Variants in KCNN2 observed in about 807,000 individuals in gnomAD.
The protein encoded by KCNN2 is small conductance calcium-activated potassium channel protein 2.
In KCNN2, 24 loss-of-function variants were observed where a neutral mutation model predicts 55.5. The ratio of observed to expected loss-of-function variants is 0.43; its 90% CI spans 0.31 to 0.61. KCNN2 has a LOEUF of 0.61. Among genes scored for constraint, KCNN2 ranks in the 20% least tolerant of loss-of-function variants. The pLI, the probability that KCNN2 is intolerant of heterozygous loss-of-function variation, is 0.08. For missense variants in KCNN2, 754 were observed against 853.6 expected (o/e 0.88, Z 1.45); for synonymous variants, 431 against 336.1 (o/e 1.28, Z -3.09).
At chr5:114,190,434 A>T (rs993724270) in intron 1 of KCNN2, among the ~76,000 whole-genome samples, 2 of 152,196 alleles carry the variant, frequency 1.3e-5, no homozygotes, top group Non-Finnish European at 2.9e-5. Flanking sequence ...TATAGCCCCC[A>T]AAATAATGAG....
chr5:114,058,558 A>G (rs1580472427), intron 1 of KCNN2, among the ~76,000 whole-genome samples: 1 of 152,220 alleles, frequency 6.6e-6, no homozygotes, highest in Non-Finnish European at 1.5e-5. Context: ...ACTCAGTTCT[A>G]TGTACTGTGG....
chr5:114,356,893 G>A (rs1757303009), intron 2 of KCNN2, among the ~76,000 whole-genome samples: 2 of 151,978 alleles, frequency 1.3e-5, no homozygotes, highest in Admixed American at 1.3e-4. Context: ...AATTATTACT[G>A]TGCTAAGGAA....
chr5:114,247,202 CA>C (rs370172975), intron 2 of KCNN2, among the ~76,000 whole-genome samples: 2,994 of 68,120 alleles, frequency 0.044, 86 homozygotes, highest in African/African-American at 0.16. Context: ...CATATGTCTC[CA>C]AAAAAAAAAA....
chr5:114,177,891 A>C (rs1387990672), intron 1 of KCNN2, among the ~76,000 whole-genome samples: 1 of 152,194 alleles, frequency 6.6e-6, no homozygotes, highest in African/African-American at 2.4e-5. Flanking sequence ...TAAATCAAAT[A>C]AAAATAAAAA....
chr5:114,367,630 GA>G (rs1757639599), intron 2 of KCNN2, among the ~76,000 whole-genome samples: 1 of 151,816 alleles, frequency 6.6e-6, no homozygotes, highest in African/African-American at 2.4e-5. Context: ...AGGTAAAACA[GA>G]AGCATGCTTT....
intron 1 of KCNN2, among the ~76,000 whole-genome samples, chr5:114,172,013 T>C (rs923740894): frequency 2.0e-5 from 3 of 151,912 alleles, no homozygotes; most frequent in Non-Finnish European, 4.4e-5. Context: ...CTCTGGGTTT[T>C]AGGAACTCAG....
upstream of KCNN2, among the ~76,000 whole-genome samples, chr5:114,359,003 TTG>T (rs763630441): frequency 3.3e-5 from 5 of 152,188 alleles, no homozygotes; most frequent in Non-Finnish European, 7.3e-5. Context: ...CAAAATTATC[TTG>T]TGTTTTTTCA....
intron 3 of KCNN2, among the ~76,000 whole-genome samples, chr5:114,406,417 C>G (rs894727861): frequency 1.3e-5 from 2 of 151,638 alleles, no homozygotes; most frequent in Non-Finnish European, 2.9e-5. Context: ...TCCCTATCTC[C>G]CAGTAAGATA....
chr5:114,382,620 A>T (rs1332756645), intron 2 of KCNN2, among the ~76,000 whole-genome samples: 1 of 152,220 alleles, frequency 6.6e-6, no homozygotes, highest in Non-Finnish European at 1.5e-5. Context: ...AAGAATGCTA[A>T]TGGAGAAAAG....
chr5:114,206,214 G>C (rs1156838097), intron 1 of KCNN2, among the ~76,000 whole-genome samples: 1 of 152,026 alleles, frequency 6.6e-6, no homozygotes, highest in African/African-American at 2.4e-5. Context: ...TGCTAGCCTG[G>C]CTAACCAAGC....
intron 2 of KCNN2, among the ~76,000 whole-genome samples, chr5:114,312,432 C>CATATAT (rs1561566575): frequency 2.1e-4 from 4 of 19,310 alleles, no homozygotes; most frequent in African/African-American, 3.5e-4. Flanking sequence ...CACACACACA[C>CATATAT]ACATATATAT....
intron 2 of KCNN2, among the ~76,000 whole-genome samples, chr5:114,372,483 G>A (rs1041965933): frequency 2.6e-5 from 4 of 152,078 alleles, no homozygotes; most frequent in African/African-American, 4.8e-5. Context: ...GGATCTTTCA[G>A]TCTATTAGTG....
chr5:114,060,898 G>A (rs1750312850), intron 1 of KCNN2, among the ~76,000 whole-genome samples: 1 of 152,220 alleles, frequency 6.6e-6, no homozygotes, highest in South Asian at 2.1e-4. Flanking sequence ...TTCTAATTCT[G>A]AGAATTCAGC....
chr5:114,274,409 C>T (rs1448620663), intron 2 of KCNN2, among the ~76,000 whole-genome samples: 1 of 152,112 alleles, frequency 6.6e-6, no homozygotes, highest in South Asian at 2.1e-4. Flanking sequence ...AGCATTGAAT[C>T]TATAAATTAC....
At chr5:114,216,156 A>G (rs111691761) in intron 1 of KCNN2, among the ~76,000 whole-genome samples, 3,754 of 152,262 alleles carry the variant, frequency 0.025, 55 homozygotes, top group Non-Finnish European at 0.033. Context: ...TTCTCTCATC[A>G]GTCCAACATT....
chr5:114,288,499 T>TATACACACAC (rs1305284375), intron 2 of KCNN2, among the ~76,000 whole-genome samples: 17 of 139,612 alleles, frequency 1.2e-4, no homozygotes, highest in Admixed American at 3.7e-4. Flanking sequence ...TATATATATA[T>TATACACACAC]ACACACACAC....
intron 2 of KCNN2, among the ~76,000 whole-genome samples, chr5:114,294,330 A>T (rs1227043308): frequency 6.6e-6 from 1 of 151,914 alleles, no homozygotes; most frequent in Non-Finnish European, 1.5e-5. Flanking sequence ...GTGGGCATTT[A>T]GTGCTAGAAA....
intron 1 of KCNN2, among the ~76,000 whole-genome samples, chr5:114,157,522 G>C (rs911676029): frequency 2.0e-5 from 3 of 152,168 alleles, no homozygotes; most frequent in African/African-American, 7.2e-5. Context: ...TATATACCCA[G>C]TAATGGGATG....
chr5:114,210,493 A>G (rs936526891), intron 1 of KCNN2, among the ~76,000 whole-genome samples: 1 of 152,174 alleles, frequency 6.6e-6, no homozygotes, highest in African/African-American at 2.4e-5. Flanking sequence ...TTCACTGTGT[A>G]TACAAGCTTG....
Sources: allele counts gnomAD v4.1 joint callset (sites outside exome capture counted in the v4.1 genomes callset), GRCh38; gene constraint gnomAD v4.1.1; transcripts MANE v1.5; gene names NCBI Gene and HGNC (gene_info 2026-07-23, HGNC 2026-07-21).